MECOM: variants seen among roughly 807,000 people sequenced by gnomAD.
MECOM encodes the protein histone-lysine N-methyltransferase MECOM.
A neutral mutation model predicts 116.3 loss-of-function variants in MECOM; 13 were observed. The observed-to-expected ratio is 0.11, with a 90% CI of 0.07 to 0.18. MECOM has a LOEUF of 0.18. MECOM is among the 10% of genes least tolerant of loss of function. MECOM has a pLI of 1.00. For missense variants in MECOM, 1,299 were observed against 1,509.0 expected (o/e 0.86, Z 2.31); for synonymous variants, 528 against 535.2 (o/e 0.99, Z 0.19).
intron 14 of MECOM, among the ~76,000 whole-genome samples, chr3:169,091,785 T>A (rs1719812902): frequency 6.6e-6 from 1 of 151,950 alleles, no homozygotes; most frequent in African/African-American, 2.4e-5. Context: ...AAGTGGTCAT[T>A]TTTTTTGTTA....
intron 2 of MECOM, among the ~76,000 whole-genome samples, chr3:169,213,817 C>A (rs183907764): frequency 5.3e-5 from 8 of 152,146 alleles, no homozygotes; most frequent in Admixed American, 5.2e-4. Flanking sequence ...AAAACTAAAC[C>A]AGAAGTTTCC....
chr3:169,327,114 G>A (rs981793332), intron 2 of MECOM, among the ~76,000 whole-genome samples: 1 of 152,138 alleles, frequency 6.6e-6, no homozygotes, highest in Admixed American at 6.5e-5. Context: ...GATGCAAAAG[G>A]CTTGCCAAAT....
chr3:169,341,845 A>C (rs1724599100), intron 2 of MECOM, among the ~76,000 whole-genome samples: 1 of 152,154 alleles, frequency 6.6e-6, no homozygotes, highest in Non-Finnish European at 1.5e-5. Context: ...AAAGAGTGTA[A>C]TTGGATTGTC....
chr3:169,452,863 T>G (rs1247357453), intron 1 of MECOM, among the ~76,000 whole-genome samples: 1 of 152,222 alleles, frequency 6.6e-6, no homozygotes, highest in Non-Finnish European at 1.5e-5. Context: ...AAAAAATTAT[T>G]TTCAATAAGC....
At chr3:169,562,617 T>C (rs889961057) in intron 1 of MECOM, among the ~76,000 whole-genome samples, 1 of 152,144 alleles carries the variant, frequency 6.6e-6, no homozygotes, top group Non-Finnish European at 1.5e-5. Context: ...TGGAAGATAT[T>C]GAGTTATCCA....
Position 169,663,492 on chromosome 3 carries a change from CT to C in MECOM, c.-121del, listed in dbSNP as rs1776601999. 5.2e-6 allele frequency: 3 copies of C among 577,342 alleles called. No individual in the cohort carries two copies. The highest frequency in any genetic ancestry group is 3.1e-5 in the East Asian group (1 of 32,756). 35.8% of individuals were successfully genotyped at this position (577,342 alleles called of 1,614,324 possible). ...CTCTCCTGTCTCTCTCTCTCTCTCT[CT>C]CTCTCTCTCTCTCTCTCTCTCTCTC... On this transcript the variant is annotated 5_prime_UTR_variant, in exon 1 of 17. Coordinates refer to ENST00000651503, the MANE Select transcript of MECOM (RefSeq NM_004991.4).
Position 169,295,185 on chromosome 3 carries a change from G to A in MECOM, c.375+86002C>T, listed in dbSNP as rs183708761. Among the ~76,000 whole-genome samples the A allele has an allele frequency of 5.2e-3, 791 of 152,226 alleles. 3 individuals are homozygous for A. The highest frequency in any genetic ancestry group is 7.1e-3 in the Non-Finnish European group (485 of 68,034). On this transcript the variant is annotated intron_variant, in intron 2 of 16. Transcript: ENST00000651503. ...ACCTCCTGTCCCACTTTCACCATAG[G>A]ATCTAGGTTGACTTTTATCTATTTT...
chr3:169,173,079 T>TC (rs1442442430), intron 2 of MECOM, among the ~76,000 whole-genome samples: 1 of 152,182 alleles, frequency 6.6e-6, no homozygotes, highest in Non-Finnish European at 1.5e-5. Context: ...AATACCTATT[T>TC]CTATCACCAA....
chr3:169,481,707 C>G (rs1751315368), intron 1 of MECOM, among the ~76,000 whole-genome samples: 1 of 151,450 alleles, frequency 6.6e-6, no homozygotes, highest in South Asian at 2.1e-4. Flanking sequence ...ACTTCACTAG[C>G]TTGTTGGACA....
chr3:169,581,296 C>A (rs572348971), intron 1 of MECOM, among the ~76,000 whole-genome samples: 1 of 152,032 alleles, frequency 6.6e-6, no homozygotes, highest in Admixed American at 6.6e-5. Context: ...GCACTATTAT[C>A]GATAAGTTCT....
At chr3:169,662,569 G>A (rs1177771359) in intron 1 of MECOM, among the ~76,000 whole-genome samples, 2 of 151,020 alleles carry the variant, frequency 1.3e-5, no homozygotes, top group Non-Finnish European at 1.5e-5. Flanking sequence ...TGCTCTGCCC[G>A]TGCCCCCGCC....
chr3:169,128,195 T>C lies in MECOM; in HGVS notation c.614-135A>G. On this transcript the variant is annotated intron_variant, in intron 4 of 16. Coordinates refer to ENST00000651503, the MANE Select transcript of MECOM (RefSeq NM_004991.4). ...TCTATCTTGTCAATTTTAATCTGGA[T>C]TAGAAATATCATATGTAAAGAACCA... 4.0e-6 allele frequency: 3 copies of C among 748,516 alleles called. No individual in the cohort carries two copies. The East Asian group carries it at 8.0e-5, about 20-fold the overall frequency. 46.4% of individuals were successfully genotyped at this position (748,516 alleles called of 1,614,324 possible).
chr3:169,225,179 C>G (rs369273289), intron 2 of MECOM, among the ~76,000 whole-genome samples: 11 of 152,260 alleles, frequency 7.2e-5, no homozygotes, highest in African/African-American at 2.6e-4. Flanking sequence ...ATAAGATCTA[C>G]TTAACTATGT....
At chr3:169,263,816 T>C (rs1757931417) in intron 2 of MECOM, among the ~76,000 whole-genome samples, 2 of 152,164 alleles carry the variant, frequency 1.3e-5, no homozygotes, top group Admixed American at 1.3e-4. Context: ...GCACAAATCC[T>C]AAACTGTCAA....
chr3:169,420,121 G>C (rs529255869), intron 1 of MECOM, among the ~76,000 whole-genome samples: 15 of 152,324 alleles, frequency 9.8e-5, no homozygotes, highest in African/African-American at 3.6e-4. Flanking sequence ...AGATGCTAGA[G>C]AGGAGGTGGA....
chr3:169,189,379 A>G (rs1747214281), intron 2 of MECOM, among the ~76,000 whole-genome samples: 1 of 151,972 alleles, frequency 6.6e-6, no homozygotes, highest in African/African-American at 2.4e-5. Context: ...ACCTTCAGTT[A>G]AGGCTCCTTG....
chr3:169,404,023 T>C (rs1382993115), intron 1 of MECOM, among the ~76,000 whole-genome samples: 2 of 152,142 alleles, frequency 1.3e-5, no homozygotes, highest in African/African-American at 2.4e-5. Flanking sequence ...ATATTTTTGC[T>C]TGGGAACTGA....
At chr3:169,303,425 T>C (rs745902412) in intron 2 of MECOM, among the ~76,000 whole-genome samples, 17 of 152,244 alleles carry the variant, frequency 1.1e-4, no homozygotes, top group South Asian at 4.1e-4. Flanking sequence ...GACCTAAAGA[T>C]TCATAAAACA....
At chr3:169,476,275 T>C (rs776271366) in intron 1 of MECOM, among the ~76,000 whole-genome samples, 1 of 152,248 alleles carries the variant, frequency 6.6e-6, no homozygotes, top group Non-Finnish European at 1.5e-5. Flanking sequence ...GATTTGACAA[T>C]TTCCATTATG....
Sources: gnomAD v4.1 joint callset for allele counts (sites outside exome capture counted in the v4.1 genomes callset) on GRCh38, gnomAD v4.1.1 for gene constraint, MANE v1.5 for transcripts, NCBI Gene and HGNC (gene_info 2026-07-23, HGNC 2026-07-21) for gene names.